TMPRSS13: variants seen among roughly 807,000 people sequenced by gnomAD.
TMPRSS13 encodes transmembrane serine protease 13, also known as transmembrane protease serine 13.
Under a neutral mutation model 68.4 loss-of-function variants are expected in TMPRSS13, and 50 were observed. That is an observed-to-expected ratio of 0.73 (90% confidence interval 0.58 to 0.93). The LOEUF is 0.93. Among genes scored for constraint, TMPRSS13 ranks in the 40% least tolerant of loss-of-function variants. The probability of loss-of-function intolerance (pLI) is 0.00; values close to 1 mark genes in which losing one functional copy is unlikely to be tolerated. For synonymous variants in TMPRSS13, 267 were observed against 285.8 expected, an observed-to-expected ratio of 0.93 and a Z score of 0.66; for missense variants, 615 against 729.2, an observed-to-expected ratio of 0.84 and a Z score of 1.80.
chr11:117,915,532 G>A lies in TMPRSS13; in HGVS notation c.557-1018C>T, dbSNP rs564760377. ...GGGCACTCAACCCCCGGGGAACCCT[G>A]GGCAGTCTCCCCTGGAGTGCTCATG... On this transcript the variant is annotated intron_variant, in intron 3 of 12. Transcript: ENST00000524993. The surrounding 1 kb of genome is among the most constrained non-coding windows in gnomAD (Gnocchi z 4.9). 1.9e-4 allele frequency among the ~76,000 whole-genome samples: 29 copies of A among 152,330 alleles called. No individual in the cohort carries two copies. The highest frequency in any genetic ancestry group is 7.0e-4 in the African/African-American group (29 of 41,584).
At chr11:117,920,503 T>A (rs1321174470) in intron 1 of TMPRSS13, among the ~76,000 whole-genome samples, 1 of 152,048 alleles carries the variant, frequency 6.6e-6, no homozygotes, top group Non-Finnish European at 1.5e-5. Context: ...CGTGCCTGGC[T>A]AATTTTTGTA....
rs767310811 is a variant in TMPRSS13, at chr11:117,914,485, T to C, written c.586A>G (p.Arg196Gly). Residue 196 changes from arginine to glycine, a missense_variant, in exon 4 of 13, where the codon AGG becomes GGG. Coordinates refer to ENST00000524993, the MANE Select transcript of TMPRSS13 (RefSeq NM_001077263.3). The surrounding 1 kb of genome is among the most constrained non-coding windows in gnomAD (Gnocchi z 4.2). The part of the protein sequence containing the change: ...FQFWQGHTGI[R>G]YKEQRESCPK... ...CAGCTCTCCCTCTGCTCCTTGTACC[T>C]GATCCCTGTGTGGCCCTGCCAGAAC... 1.2e-6 allele frequency: 2 copies of C among 1,614,012 alleles called. No homozygotes were observed. Among genetic ancestry groups the C allele is most frequent in the Non-Finnish European group, 1.7e-6 (2 of 1,180,008 alleles).
intron 1 of TMPRSS13, among the ~76,000 whole-genome samples, chr11:117,919,500 G>A (rs535791329): frequency 1.3e-5 from 2 of 152,346 alleles, no homozygotes; most frequent in Admixed American, 6.5e-5. Flanking sequence ...TCCCTCCTGG[G>A]GTGGCCTGGG....
At chr11:117,910,902 C>T in intron 6 of TMPRSS13, 152 bp from the exon 7 acceptor site, 1 of 708,686 alleles carries the variant, frequency 1.4e-6, no homozygotes. Flanking sequence ...CCCCTTTCCC[C>T]ATGTGACATT....
At chr11:117,903,602 C>T (rs1294958693) in intron 12 of TMPRSS13, 53 bp downstream of exon 12, 1 of 1,612,600 alleles carries the variant, frequency 6.2e-7, no homozygotes, top group South Asian at 1.1e-5. Flanking sequence ...AGGGTCCCCA[C>T]CTGAGGAAGT....
At chr11:117,927,652 C>T (rs1223522159) in intron 1 of TMPRSS13, among the ~76,000 whole-genome samples, 1 of 152,190 alleles carries the variant, frequency 6.6e-6, no homozygotes, top group Admixed American at 6.5e-5. Context: ...AAGGCACAAG[C>T]TCAGGTGACC....
At chr11:117,911,480 C>A (rs4414257) in intron 6 of TMPRSS13, among the ~76,000 whole-genome samples, 1,799 of 152,220 alleles carry the variant, frequency 0.012, 31 homozygotes, top group African/African-American at 0.041. Flanking sequence ...AACACCTGGC[C>A]GACTGGTGGT....
Position 117,918,749 on chromosome 11 carries a change from G to A in TMPRSS13, c.111C>T (p.Ala37=). 1.9e-6 allele frequency: 3 copies of A among 1,611,542 alleles called. No individual in the cohort carries two copies. Among genetic ancestry groups the A allele is most frequent in the Non-Finnish European group, 2.5e-6 (3 of 1,179,514 alleles). ...AGTPPGRASP[A]QASPAQASPA... ...GAGATGCCTGGGCTGGAGATGCCTG[G>A]GCTGGAGATGCCCGGCCTGGAGGTG... The change falls in exon 2 of 13, where the codon GCC becomes GCT. Residue 37 remains alanine (A), a synonymous_variant. Transcript: ENST00000524993.
rs2057410056 is a variant in TMPRSS13, at chr11:117,901,445, T to C, written c.*794A>G. On this transcript the variant is annotated 3_prime_UTR_variant, in exon 13 of 13. Coordinates refer to ENST00000524993, the MANE Select transcript of TMPRSS13 (RefSeq NM_001077263.3). ...TCCAGTTCCTTGAGGCCAGAAATAT[T>C]CTGTAGGACTCTAAAATACGACATT... The C allele has an allele frequency of 6.6e-6, 1 of 152,506 alleles. No homozygotes were observed. The highest frequency in any genetic ancestry group is 2.1e-4 in the South Asian group (1 of 4,830). The allele number at this position is 152,506 out of a possible 1,614,324, so 9.4% of individuals were successfully genotyped here. A position where few individuals can be genotyped will look rare whatever the true frequency, so the allele number is the denominator to read the frequency against.
At position 117,905,770 on chromosome 11, in the gene TMPRSS13, C is replaced by A. The variant is rs760572786; in HGVS notation, c.1283-34G>T. 1.0e-5 allele frequency: 16 copies of A among 1,533,222 alleles called. No homozygotes were observed. The South Asian group carries it at 1.9e-4, about 18-fold the overall frequency. 95.0% of individuals were successfully genotyped at this position (1,533,222 alleles called of 1,614,324 possible). A position where few individuals can be genotyped will look rare whatever the true frequency, so the allele number is the denominator to read the frequency against. On this transcript the variant is annotated intron_variant, in intron 9 of 12. Transcript: ENST00000524993. ...AGACCTCCAGACGTCAGTGAAGGAACAAGGCTGAGACTTTCAGTAGGGGGA... is the reference window on the plus strand; with the variant it reads ...AGACCTCCAGACGTCAGTGAAGGAAAAAGGCTGAGACTTTCAGTAGGGGGA...
chr11:117,904,072 G>T lies in TMPRSS13; in HGVS notation c.1411C>A (p.Gln471Lys). ...TTCTTGAAGTCGATGAGATTGACCT[G>T]CACCTCCCGGAGGAAGGGGGATGTC... ...DKTSPFLREV[Q>K]VNLIDFKKCN... Residue 471 changes from glutamine (Q) to lysine (K), a missense_variant, in exon 11 of 13, where the codon CAG becomes AAG. Gln to Lys is a moderately conservative substitution (Grantham distance 53, BLOSUM62 1). Transcript: ENST00000524993. 6.2e-7 allele frequency: 1 copy of T among 1,614,070 alleles called. No homozygotes were observed. The highest frequency in any genetic ancestry group is 1.3e-5 in the African/African-American group (1 of 75,046).
rs908683739 is a variant in TMPRSS13, at chr11:117,901,615, G to C, written c.*624C>G. On this transcript the variant is annotated 3_prime_UTR_variant, in exon 13 of 13. Transcript: ENST00000524993. ...AATAAAACCCGCCCCAGCAGCTTGT[G>C]ACCAAATGAGTACAGTGAATCCTCA... 1 of 152,224 alleles carries C rather than the reference G, an allele frequency of 6.6e-6. No individual in the cohort carries two copies. The highest frequency in any genetic ancestry group is 1.5e-5 in the Non-Finnish European group (1 of 68,054). The allele number at this position is 152,224 out of a possible 1,614,324, so 9.4% of individuals were successfully genotyped here. A position where few individuals can be genotyped will look rare whatever the true frequency, so the allele number is the denominator to read the frequency against.
intron 1 of TMPRSS13, among the ~76,000 whole-genome samples, chr11:117,924,746 G>A (rs913956048): frequency 2.6e-5 from 4 of 152,022 alleles, no homozygotes; most frequent in South Asian, 2.1e-4. Flanking sequence ...GTACCTCCAG[G>A]TTCCCAAGGC....
Position 117,902,681 on chromosome 11 carries a change from T to A in TMPRSS13, c.1678-416A>T, listed in dbSNP as rs566978242. Among the ~76,000 whole-genome samples, 32 of 152,322 alleles carry A rather than the reference T, an allele frequency of 2.1e-4. No homozygotes were observed. In the South Asian group the frequency reaches 3.5e-3, roughly 17 times the overall value. On this transcript the variant is annotated intron_variant, in intron 12 of 12. Coordinates refer to ENST00000524993, the MANE Select transcript of TMPRSS13 (RefSeq NM_001077263.3). The stretch of plus-strand genomic sequence containing the variant: ...TGCCAGCGGCCTGTGTGAACTCACA[T>A]CTCGGTCATCCCTGGGAGAGGAGAG...
chr11:117,924,738 A>G (rs1373592169), intron 1 of TMPRSS13, among the ~76,000 whole-genome samples: 1 of 151,640 alleles, frequency 6.6e-6, no homozygotes, highest in East Asian at 1.9e-4. Flanking sequence ...GCTTCACTGT[A>G]CCTCCAGGTT....
intron 5 of TMPRSS13, among the ~76,000 whole-genome samples, chr11:117,912,900 C>T (rs1456945539): frequency 5.3e-5 from 8 of 152,148 alleles, no homozygotes; most frequent in South Asian, 2.1e-4. Context: ...ACCTGAATAC[C>T]TAAAGGAGGT....
At chr11:117,924,629 G>A (rs1224943850) in intron 1 of TMPRSS13, among the ~76,000 whole-genome samples, 2 of 152,092 alleles carry the variant, frequency 1.3e-5, no homozygotes, top group African/African-American at 4.8e-5. Context: ...TTGGGAACCT[G>A]GGGAGCCCTG....
At chr11:117,907,205 A>G (rs2057471512) in intron 9 of TMPRSS13, among the ~76,000 whole-genome samples, 1 of 152,160 alleles carries the variant, frequency 6.6e-6, no homozygotes, top group Non-Finnish European at 1.5e-5. Flanking sequence ...CTGGTCCTGC[A>G]GTCTGTGCCC....
Position 117,914,829 on chromosome 11 carries a change from C to T in TMPRSS13, c.557-315G>A, listed in dbSNP as rs145833540. 1.7e-4 allele frequency among the ~76,000 whole-genome samples: 26 copies of T among 152,230 alleles called. No homozygotes were observed. The East Asian group carries it at 5.0e-3, about 29-fold the overall frequency. On this transcript the variant is annotated intron_variant, in intron 3 of 12. Coordinates refer to ENST00000524993, the MANE Select transcript of TMPRSS13 (RefSeq NM_001077263.3). This position sits in a 1 kb window ranked among gnomAD's most constrained non-coding sequence, Gnocchi z 4.2. Reference sequence around the variant, plus strand: ...GGGAACTCCCCTCCCTACATGCTGGCCAACATAGTGGCCAGAGAAACCACC... The same window carrying T: ...GGGAACTCCCCTCCCTACATGCTGGTCAACATAGTGGCCAGAGAAACCACC...
Sources: gnomAD v4.1 joint callset for allele counts (sites outside exome capture counted in the v4.1 genomes callset) on GRCh38, gnomAD v4.1.1 for gene constraint, Gnocchi (gnomAD v3.1) non-coding constraint, MANE v1.5 for transcripts, NCBI Gene and HGNC (gene_info 2026-07-23, HGNC 2026-07-21) for gene names.